The following ANKRD42 variants were observed in gnomAD, a reference collection of about 807,000 sequenced individuals.
ANKRD42 encodes the protein ankyrin repeat domain 42, also known as ankyrin repeat domain-containing protein 42.
In ANKRD42, 43 loss-of-function variants were observed where a neutral mutation model predicts 51.5. That is an observed-to-expected ratio of 0.83 (90% confidence interval 0.65 to 1.08). ANKRD42 has a LOEUF of 1.08. Among genes scored for constraint, ANKRD42 ranks in the 50% least tolerant of loss-of-function variants. ANKRD42 has a pLI of 0.00. For synonymous variants in ANKRD42, 203 were observed against 213.0 expected (o/e 0.95, Z 0.41); for missense variants, 608 against 629.3 (o/e 0.97, Z 0.36).
chr11:83,241,335 CA>C (rs2135550979), intron 9 of ANKRD42, among the ~76,000 whole-genome samples: 1 of 152,158 alleles, frequency 6.6e-6, no homozygotes, highest in African/African-American at 2.4e-5. Context: ...GTGAACAATA[CA>C]AAGGAACTTC....
At chr11:83,254,700 C>T (rs899123874) in intron 11 of ANKRD42, among the ~76,000 whole-genome samples, 1 of 152,100 alleles carries the variant, frequency 6.6e-6, no homozygotes. Flanking sequence ...GGATTATAGG[C>T]GTGAGCCACC....
intron 7 of ANKRD42, among the ~76,000 whole-genome samples, chr11:83,228,562 T>G (rs1472118649): frequency 2.0e-5 from 3 of 152,188 alleles, no homozygotes; most frequent in African/African-American, 7.2e-5. Flanking sequence ...ACTCTTAGAT[T>G]AAAATGATAG....
chr11:83,212,489 TTA>T (rs1307317230), intron 5 of ANKRD42, among the ~76,000 whole-genome samples: 1 of 152,190 alleles, frequency 6.6e-6, no homozygotes, highest in Non-Finnish European at 1.5e-5. Context: ...CAGTGGAGAC[TTA>T]GACTCCACCT....
In ANKRD42 at chr11:83,248,668, A is replaced by G; in HGVS notation, c.*464A>G. ...TATAGAATCTTCCTGGCTTCTTTTTATTTTGCACAAACTAGTCATTGGTCT... is the reference window on the plus strand; with the variant it reads ...TATAGAATCTTCCTGGCTTCTTTTTGTTTTGCACAAACTAGTCATTGGTCT... On this transcript the variant is annotated 3_prime_UTR_variant, in exon 11 of 11. Transcript: ENST00000533342. The G allele has an allele frequency of 5.1e-6, 5 of 983,736 alleles. No homozygotes were observed. Among genetic ancestry groups the G allele is most frequent in the Non-Finnish European group, 6.0e-6 (5 of 828,398 alleles). 60.9% of individuals were successfully genotyped at this position (983,736 alleles called of 1,614,324 possible).
At chr11:83,244,656 A>C (rs1217061219) in intron 9 of ANKRD42, among the ~76,000 whole-genome samples, 1 of 152,172 alleles carries the variant, frequency 6.6e-6, no homozygotes, top group Non-Finnish European at 1.5e-5. Context: ...GAGGTTGCCA[A>C]ATGACCCTTG....
chr11:83,210,489 A>C (rs541000947), intron 4 of ANKRD42, 70 bp downstream of exon 4: 14 of 1,559,022 alleles, frequency 9.0e-6, no homozygotes, highest in Non-Finnish European at 1.2e-5. Context: ...TAGTCTAGTT[A>C]TCTCTTCCTG....
rs1183028326 is a variant in ANKRD42 at position 83,193,717 on chromosome 11, T to G, written c.-954T>G. 1 of 390,178 alleles carries G rather than the reference T, an allele frequency of 2.6e-6. No homozygotes were observed. The highest frequency in any genetic ancestry group is 2.1e-5 in the African/African-American group (1 of 47,292). 24.2% of individuals were successfully genotyped at this position (390,178 alleles called of 1,614,324 possible). On this transcript the variant is annotated 5_prime_UTR_variant, in exon 1 of 11. Coordinates refer to ENST00000533342, the MANE Select transcript of ANKRD42 (RefSeq NM_001300975.2). ...CCTCAGCACGTCGGAAGTGTACTCG[T>G]TTCCAAGGCGACGGCCCTGCTGCCT...
At chr11:83,195,404 G>A (rs1861604740) in intron 1 of ANKRD42, among the ~76,000 whole-genome samples, 1 of 152,178 alleles carries the variant, frequency 6.6e-6, no homozygotes, top group Non-Finnish European at 1.5e-5. Context: ...ACTGATTCCA[G>A]TAGGGGGTGA....
chr11:83,234,294 T>C (rs2135542248), intron 7 of ANKRD42, among the ~76,000 whole-genome samples: 1 of 152,354 alleles, frequency 6.6e-6, no homozygotes, highest in Admixed American at 6.5e-5. Context: ...TTTATCATAC[T>C]GCTTTTTCCT....
intron 9 of ANKRD42, among the ~76,000 whole-genome samples, chr11:83,242,571 T>G (rs1283115371): frequency 7.0e-6 from 1 of 143,470 alleles, no homozygotes; most frequent in Non-Finnish European, 1.5e-5. Context: ...AGTTAAGTTT[T>G]TTTTTTTTTT....
chr11:83,230,311 C>G (rs1863028710), intron 7 of ANKRD42, among the ~76,000 whole-genome samples: 1 of 152,114 alleles, frequency 6.6e-6, no homozygotes, highest in Non-Finnish European at 1.5e-5. Context: ...CTTGGTCTTC[C>G]AAAGTGCTAG....
At chr11:83,197,163 G>A (rs1036491779) in intron 1 of ANKRD42, among the ~76,000 whole-genome samples, 2 of 152,106 alleles carry the variant, frequency 1.3e-5, no homozygotes, top group African/African-American at 4.8e-5. Context: ...TGTTCTTCAA[G>A]GTCTTGCTTG....
At chr11:83,256,641 G>A (rs562125355), downstream of ANKRD42, among the ~76,000 whole-genome samples, 1 of 152,214 alleles carries the variant, frequency 6.6e-6, no homozygotes, top group African/African-American at 2.4e-5. Context: ...TCCCCCTGAA[G>A]ATCTGTCACT....
At chr11:83,216,104 A>G (rs1394461397) in intron 5 of ANKRD42, among the ~76,000 whole-genome samples, 1 of 151,592 alleles carries the variant, frequency 6.6e-6, no homozygotes, top group Non-Finnish European at 1.5e-5. Flanking sequence ...CTATTTACAT[A>G]TTTTTGTATT....
At chr11:83,248,980 C>A, downstream of ANKRD42, 2 of 983,850 alleles carry the variant, frequency 2.0e-6, no homozygotes, top group Non-Finnish European at 2.4e-6. Flanking sequence ...TTAATCTATT[C>A]TCTTCATTTT....
chr11:83,211,164 T>G lies in ANKRD42; in HGVS notation c.451-131T>G, dbSNP rs1182781443. 4.3e-6 allele frequency: 5 copies of G among 1,173,364 alleles called. No individual in the cohort carries two copies. In the East Asian group the frequency reaches 9.4e-5, roughly 22 times the overall value. 72.7% of individuals were successfully genotyped at this position (1,173,364 alleles called of 1,614,324 possible). A position where few individuals can be genotyped will look rare whatever the true frequency, so the allele number is the denominator to read the frequency against. On this transcript the variant is annotated intron_variant, in intron 4 of 10. Transcript: ENST00000533342. ...ATTCAAATTAGTGGTTGCAGTACAT[T>G]TTTCTATTAAGTGTTTGCCTTCTTG...
At chr11:83,219,352 C>G (rs1236132496) in intron 5 of ANKRD42, among the ~76,000 whole-genome samples, 2 of 152,208 alleles carry the variant, frequency 1.3e-5, no homozygotes, top group Non-Finnish European at 1.5e-5. Flanking sequence ...TGCGTCTTAC[C>G]TATTCCAGGG....
At chr11:83,199,086 G>A (rs771390160) in intron 2 of ANKRD42, among the ~76,000 whole-genome samples, 9 of 152,150 alleles carry the variant, frequency 5.9e-5, no homozygotes, top group Non-Finnish European at 1.0e-4. Flanking sequence ...CTCACAATAT[G>A]GTGACTGGGT....
downstream of ANKRD42, chr11:83,261,873 C>A: frequency 6.7e-7 from 1 of 1,495,596 alleles, no homozygotes; most frequent in Admixed American, 1.9e-5. Context: ...GTTTGGTGTT[C>A]TAAGAAGCCA....
Sources: gnomAD v4.1 joint callset for allele counts (sites outside exome capture counted in the v4.1 genomes callset) on GRCh38, gnomAD v4.1.1 for gene constraint, MANE v1.5 for transcripts, NCBI Gene and HGNC (gene_info 2026-07-23, HGNC 2026-07-21) for gene names.